The following ANO9 variants were observed in gnomAD, a reference collection of about 807,000 sequenced individuals.
The protein encoded by ANO9 is anoctamin 9.
Under a neutral mutation model 100.5 loss-of-function variants are expected in ANO9, and 80 were observed. The ratio of observed to expected loss-of-function variants is 0.80; its 90% CI spans 0.66 to 0.96. ANO9 has a LOEUF of 0.96. ANO9 is among the 40% of genes least tolerant of loss of function. The probability of loss-of-function intolerance (pLI) is 0.00; values close to 1 mark genes in which losing one functional copy is unlikely to be tolerated. For missense variants in ANO9, 1,064 were observed against 1,072.7 expected (o/e 0.99, Z 0.11); for synonymous variants, 473 against 435.6 (o/e 1.09, Z -1.07).
At chr11:439,179 A>G (rs778943302) in intron 1 of ANO9, among the ~76,000 whole-genome samples, 1 of 152,202 alleles carries the variant, frequency 6.6e-6, no homozygotes, top group Non-Finnish European at 1.5e-5. Flanking sequence ...CCTGTCCCAC[A>G]GCCCTCACAG....
chr11:417,966 G>T lies in ANO9; in HGVS notation c.*405C>A. Reference sequence around the variant, plus strand: ...AGGCTTAATTTTACTGCAGAAACGGGTTGGCTGAAGGGAACAGGCCAGCGA... The same window carrying T: ...AGGCTTAATTTTACTGCAGAAACGGTTTGGCTGAAGGGAACAGGCCAGCGA... On this transcript the variant is annotated 3_prime_UTR_variant, in exon 23 of 23. Coordinates refer to ENST00000332826, the MANE Select transcript of ANO9 (RefSeq NM_001012302.3). The surrounding 1 kb of genome is among the most constrained non-coding windows in gnomAD (Gnocchi z 4.2). The T allele has an allele frequency of 5.1e-6, 1 of 194,456 alleles. No individual in the cohort carries two copies. Among genetic ancestry groups the T allele is most frequent in the Non-Finnish European group, 1.0e-5 (1 of 95,588 alleles). The allele number at this position is 194,456 out of a possible 1,614,324, so 12.0% of individuals were successfully genotyped here. A position where few individuals can be genotyped will look rare whatever the true frequency, so the allele number is the denominator to read the frequency against.
intron 1 of ANO9, among the ~76,000 whole-genome samples, chr11:437,553 C>T (rs1845459563): frequency 1.3e-5 from 2 of 152,256 alleles, no homozygotes; most frequent in African/African-American, 2.4e-5. Flanking sequence ...TGCACTCAGG[C>T]GTGGCCTGCC....
In ANO9 at chr11:418,782, T is replaced by G. The variant is rs2133673044; in HGVS notation, c.2068A>C (p.Asn690His). 1 of 1,613,184 alleles carries G rather than the reference T, an allele frequency of 6.2e-7. No homozygotes were observed. The highest frequency in any genetic ancestry group is 2.2e-5 in the East Asian group (1 of 44,890). The change falls in exon 22 of 23, where the codon AAC becomes CAC. Residue 690 changes from asparagine (N) to histidine (H), a missense_variant. Coordinates refer to ENST00000332826, the MANE Select transcript of ANO9 (RefSeq NM_001012302.3). ...YRDYRNPPDY[N>H]FSEQFWFLLA... ...AGGAACCAGAACTGCTCGGAGAAGT[T>G]GTAATCGGGGGGATTGCGGTAGTCC...
intron 1 of ANO9, among the ~76,000 whole-genome samples, chr11:437,566 A>G (rs997953477): frequency 2.0e-5 from 3 of 152,230 alleles, no homozygotes; most frequent in Admixed American, 2.0e-4. Context: ...GGCCTGCCAC[A>G]CTGAAACTTC....
chr11:421,455 ACCCC>A lies in ANO9; in HGVS notation c.1335-261_1335-258del, dbSNP rs1564906668. On this transcript the variant is annotated intron_variant, in intron 15 of 22. Transcript: ENST00000332826. This position sits in a 1 kb window ranked among gnomAD's most constrained non-coding sequence, Gnocchi z 6.8. ...CGTGGGCGCGCGCACACACACACAC[ACCCC>A]CACACAGGGGAGGCCACAGGCTCCC... 1.7e-3 allele frequency among the ~76,000 whole-genome samples: 160 copies of A among 96,446 alleles called. 71 individuals are homozygous for A. The highest frequency in any genetic ancestry group is 2.3e-3 in the Admixed American group (22 of 9,720). The allele number at this position is 96,446 out of a possible 152,430, so 63.3% of individuals were successfully genotyped here.
At chr11:425,348 G>A (rs972730905) in intron 15 of ANO9, among the ~76,000 whole-genome samples, 1 of 151,344 alleles carries the variant, frequency 6.6e-6, no homozygotes, top group Non-Finnish European at 1.5e-5. Context: ...TGCAATACAC[G>A]ATGTACCACA....
Position 430,191 on chromosome 11 carries a change from G to A in ANO9, c.675-12C>T. On this transcript the variant is annotated splice_polypyrimidine_tract_variant and intron_variant, in intron 8 of 22. Transcript: ENST00000332826. ...CACAGATCTCCTTGCTGAAGGGGCA[G>A]GGATGAGGCTGGGGTCGGCTCCTCC... is the stretch of plus-strand genomic sequence containing the variant. The A allele has an allele frequency of 1.3e-6, 2 of 1,551,102 alleles. No homozygotes were observed. Among genetic ancestry groups the A allele is most frequent in the South Asian group, 2.4e-5 (2 of 84,124 alleles).
At chr11:426,559 C>T (rs1848533120) in intron 15 of ANO9, among the ~76,000 whole-genome samples, 1 of 152,002 alleles carries the variant, frequency 6.6e-6, no homozygotes, top group Non-Finnish European at 1.5e-5. Flanking sequence ...GGCAATGGAT[C>T]AAGATACTGT....
intron 15 of ANO9, among the ~76,000 whole-genome samples, chr11:424,727 A>C (rs966439003): frequency 1.3e-5 from 2 of 152,200 alleles, no homozygotes; most frequent in African/African-American, 4.8e-5. Flanking sequence ...ACAGATGAGA[A>C]CTCAGGGAGA....
chr11:426,538 C>T (rs1848531670), intron 15 of ANO9, among the ~76,000 whole-genome samples: 1 of 152,146 alleles, frequency 6.6e-6, no homozygotes, highest in African/African-American at 2.4e-5. Flanking sequence ...TACCACTGTA[C>T]TCCAGCCTGG....
At chr11:420,348 C>T in intron 19 of ANO9, 115 bp downstream of exon 19, 1 of 1,497,722 alleles carries the variant, frequency 6.7e-7, no homozygotes, top group Non-Finnish European at 8.9e-7. Context: ...TGGGGGCTGT[C>T]TGCGGCCTGA....
At chr11:419,767 T>C in intron 19 of ANO9, 38 bp from the exon 20 acceptor site, 6 of 1,603,796 alleles carry the variant, frequency 3.7e-6, no homozygotes, top group Non-Finnish European at 5.1e-6. Context: ...TGACTCAGCG[T>C]CCCTCGGCTG....
chr11:427,385 A>G (rs1848580736), intron 15 of ANO9, among the ~76,000 whole-genome samples: 1 of 151,774 alleles, frequency 6.6e-6, no homozygotes, highest in African/African-American at 2.4e-5. Flanking sequence ...CATCCCTCTC[A>G]CCTCGCCTTC....
intron 18 of ANO9, 36 bp downstream of exon 18, chr11:420,682 G>A: frequency 4.4e-6 from 7 of 1,601,404 alleles, no homozygotes; most frequent in Non-Finnish European, 6.0e-6. Context: ...CCCCGCATTC[G>A]TCTCCGCGAA....
intron 20 of ANO9, chr11:419,329 C>A: frequency 2.1e-6 from 3 of 1,410,390 alleles, no homozygotes; most frequent in Middle Eastern, 2.7e-4. Context: ...TCTGGCAGGG[C>A]CTACTCAGGA....
chr11:439,911 C>T (rs917036116), intron 1 of ANO9, among the ~76,000 whole-genome samples: 4 of 152,200 alleles, frequency 2.6e-5, no homozygotes, highest in South Asian at 2.1e-4. Context: ...ACTGACGGAG[C>T]GACCTGCGTG....
At position 428,147 on chromosome 11, in the gene ANO9, G is replaced by A; in HGVS notation, c.1275C>T (p.Phe425=). 3 of 1,611,852 alleles carry A rather than the reference G, an allele frequency of 1.9e-6. No homozygotes were observed. Among genetic ancestry groups the A allele is most frequent in the Non-Finnish European group, 2.5e-6 (3 of 1,179,686 alleles). Residue 425 remains phenylalanine (F), a synonymous_variant, in exon 15 of 23, where the codon TTC becomes TTT. Coordinates refer to ENST00000332826, the MANE Select transcript of ANO9 (RefSeq NM_001012302.3). The stretch of plus-strand genomic sequence containing the variant: ...AGAAATGGGTGAAGAACTGCAGTGT[G>A]AAGAAGCGGATGGTGAACCTGCTCT... ...ERESRFTIRF[F]TLQFFTHFSS...
Position 421,451 on chromosome 11 carries a change from A to T in ANO9, c.1335-253T>A, listed in dbSNP as rs1327673304. Reference sequence around the variant, plus strand: ...CACACGTGGGCGCGCGCACACACACACACACCCCCACACAGGGGAGGCCAC... The same window carrying T: ...CACACGTGGGCGCGCGCACACACACTCACACCCCCACACAGGGGAGGCCAC... On this transcript the variant is annotated intron_variant, in intron 15 of 22. Coordinates refer to ENST00000332826, the MANE Select transcript of ANO9 (RefSeq NM_001012302.3). This position sits in a 1 kb window ranked among gnomAD's most constrained non-coding sequence, Gnocchi z 6.8. Among the ~76,000 whole-genome samples the T allele has an allele frequency of 8.9e-6, 1 of 111,782 alleles. No individual in the cohort carries two copies. The highest frequency in any genetic ancestry group is 1.8e-5 in the Non-Finnish European group (1 of 54,274). 73.3% of individuals were successfully genotyped at this position (111,782 alleles called of 152,430 possible). A position where few individuals can be genotyped will look rare whatever the true frequency, so the allele number is the denominator to read the frequency against.
In ANO9 at chr11:422,614, T is replaced by C. The variant is rs928077245; in HGVS notation, c.1335-1416A>G. Among the ~76,000 whole-genome samples, 4 of 152,100 alleles carry C rather than the reference T, an allele frequency of 2.6e-5. No homozygotes were observed. The highest frequency in any genetic ancestry group is 1.3e-4 in the Admixed American group (2 of 15,268). On this transcript the variant is annotated intron_variant, in intron 15 of 22. Transcript: ENST00000332826. The surrounding 1 kb of genome is among the most constrained non-coding windows in gnomAD (Gnocchi z 4.3). ...GAGCAGCCGTGCACCAAGGAGAAGC[T>C]GAAAGTGAATTATCCCCTGGAGCCT... is the stretch of plus-strand genomic sequence containing the variant.
Sources: allele counts gnomAD v4.1 joint callset (sites outside exome capture counted in the v4.1 genomes callset), GRCh38; gene constraint gnomAD v4.1.1; non-coding constraint Gnocchi (gnomAD v3.1); transcripts MANE v1.5; gene names NCBI Gene and HGNC (gene_info 2026-07-23, HGNC 2026-07-21).